Variants in PSMD1 observed in about 807,000 individuals in gnomAD.
PSMD1 encodes 26S proteasome non-ATPase regulatory subunit 1.
A neutral mutation model predicts 119.0 loss-of-function variants in PSMD1; 18 were observed. That is an observed-to-expected ratio of 0.15 (90% confidence interval 0.10 to 0.22). The LOEUF (loss-of-function observed/expected upper bound fraction) is 0.22. Among genes scored for constraint, PSMD1 ranks in the 10% least tolerant of loss-of-function variants. The pLI is 1.00. For synonymous variants in PSMD1, 374 were observed against 396.6 expected (o/e 0.94, Z 0.68); for missense variants, 702 against 1,158.5 (o/e 0.61, Z 5.72).
chr2:231,112,041 C>T (rs937807521), intron 16 of PSMD1, among the ~76,000 whole-genome samples: 2 of 152,074 alleles, frequency 1.3e-5, no homozygotes, highest in African/African-American at 4.8e-5. Context: ...AGGCTGCTTA[C>T]CTTATTAGCT....
chr2:231,161,228 C>A lies in PSMD1; in HGVS notation c.2219-112C>A, dbSNP rs569008150. 7.5e-6 allele frequency: 8 copies of A among 1,068,956 alleles called. No individual in the cohort carries two copies. The African/African-American group carries it at 1.2e-4, about 15-fold the overall frequency. 66.2% of individuals were successfully genotyped at this position (1,068,956 alleles called of 1,614,324 possible). On this transcript the variant is annotated intron_variant, in intron 19 of 24. Coordinates refer to ENST00000308696, the MANE Select transcript of PSMD1 (RefSeq NM_002807.4). ...ACCCGAGCTTGGGTAACAGTGAGAC[C>A]CTATCTCTTTAAAAAAAAAAAAAAG...
chr2:231,063,828 ATT>A (rs35057221), intron 4 of PSMD1, among the ~76,000 whole-genome samples: 274 of 148,120 alleles, frequency 1.8e-3, no homozygotes, highest in Non-Finnish European at 2.6e-3. Flanking sequence ...TATTTGATGG[ATT>A]TTTTTTTTTT....
intron 16 of PSMD1, among the ~76,000 whole-genome samples, chr2:231,120,518 C>T (rs1695502561): frequency 6.6e-6 from 1 of 152,154 alleles, no homozygotes; most frequent in African/African-American, 2.4e-5. Context: ...GAAAAATTGA[C>T]CTAGCACAAC....
intron 18 of PSMD1, among the ~76,000 whole-genome samples, chr2:231,152,063 C>T (rs547840002): frequency 7.9e-5 from 12 of 152,228 alleles, no homozygotes; most frequent in Admixed American, 7.2e-4. Context: ...ATTCACCTGC[C>T]TCGGTCTCCC....
At chr2:231,149,794 T>TA (rs1696331671) in intron 18 of PSMD1, among the ~76,000 whole-genome samples, 1 of 152,056 alleles carries the variant, frequency 6.6e-6, no homozygotes, top group Non-Finnish European at 1.5e-5. Flanking sequence ...TTAGTGGTAA[T>TA]AAAAAAGAAA....
intron 16 of PSMD1, among the ~76,000 whole-genome samples, chr2:231,114,603 A>G (rs1261021460): frequency 6.6e-6 from 1 of 152,234 alleles, no homozygotes; most frequent in Non-Finnish European, 1.5e-5. Flanking sequence ...AATAATTAGT[A>G]CAGACTTTTG....
Position 231,079,583 on chromosome 2 carries a change from C to T in PSMD1, c.1208C>T (p.Thr403Ile). 1.2e-6 allele frequency: 2 copies of T among 1,608,252 alleles called. No homozygotes were observed. The highest frequency in any genetic ancestry group is 1.7e-6 in the Non-Finnish European group (2 of 1,176,814). The change falls in exon 11 of 25, where the codon ACT becomes ATT. Residue 403 changes from threonine (T) to isoleucine (I), a missense_variant. Transcript: ENST00000308696. ...LARATNWAKF[T>I]ATASLGVIHK... The stretch of plus-strand genomic sequence containing the variant: ...AGAGCCACTAACTGGGCAAAATTTA[C>T]TGCTACAGCCAGTTTGGGTGTAATT...
chr2:231,070,346 G>A (rs1472121145), intron 6 of PSMD1, among the ~76,000 whole-genome samples, 178 bp downstream of exon 6: 1 of 151,488 alleles, frequency 6.6e-6, no homozygotes, highest in East Asian at 1.9e-4. Flanking sequence ...TTATTAATAA[G>A]AAACTAAATC....
chr2:231,118,244 A>T (rs1695411262), intron 16 of PSMD1, among the ~76,000 whole-genome samples: 1 of 152,144 alleles, frequency 6.6e-6, no homozygotes, highest in Non-Finnish European at 1.5e-5. Context: ...GTTAGTGCTT[A>T]TTACTATTGT....
chr2:231,064,559 C>T (rs1424923192), intron 4 of PSMD1, among the ~76,000 whole-genome samples: 5 of 152,176 alleles, frequency 3.3e-5, no homozygotes, highest in Admixed American at 3.3e-4. Flanking sequence ...AATGTTTCCT[C>T]ACTTAGCTAC....
chr2:231,137,612 G>A (rs1391757546), intron 16 of PSMD1, among the ~76,000 whole-genome samples: 4 of 151,968 alleles, frequency 2.6e-5, no homozygotes, highest in East Asian at 3.9e-4. Context: ...TATATAGTGT[G>A]ATGCTAAAGT....
intron 16 of PSMD1, among the ~76,000 whole-genome samples, chr2:231,115,352 A>C (rs1280501651): frequency 6.6e-6 from 1 of 152,278 alleles, no homozygotes; most frequent in Non-Finnish European, 1.5e-5. Context: ...TGACACATCT[A>C]CTTTTTGGTG....
intron 16 of PSMD1, among the ~76,000 whole-genome samples, chr2:231,125,648 T>C (rs1695700766): frequency 6.6e-6 from 1 of 152,244 alleles, no homozygotes; most frequent in African/African-American, 2.4e-5. Flanking sequence ...CACAGCTTTT[T>C]TTCCCCATAG....
At chr2:231,121,647 G>A (rs1482997062) in intron 16 of PSMD1, among the ~76,000 whole-genome samples, 1 of 151,974 alleles carries the variant, frequency 6.6e-6, no homozygotes, top group African/African-American at 2.4e-5. Flanking sequence ...TTTGTATTTT[G>A]TTTGTTAGCT....
At chr2:231,057,645 G>A (rs190688187) in intron 1 of PSMD1, among the ~76,000 whole-genome samples, 186 of 152,364 alleles carry the variant, frequency 1.2e-3, no homozygotes, top group Admixed American at 3.5e-3. Flanking sequence ...CCTTTATACT[G>A]AGAGCCTACT....
intron 16 of PSMD1, among the ~76,000 whole-genome samples, chr2:231,112,426 C>T (rs1338395247): frequency 6.6e-6 from 1 of 152,166 alleles, no homozygotes; most frequent in Admixed American, 6.5e-5. Context: ...TCTTCCCATA[C>T]CAGAGGAGTA....
intron 19 of PSMD1, among the ~76,000 whole-genome samples, chr2:231,157,295 T>TA (rs1236581244): frequency 6.6e-6 from 1 of 151,432 alleles, no homozygotes; most frequent in Non-Finnish European, 1.5e-5. Flanking sequence ...ATTAAAAATA[T>TA]AAAATTATAT....
chr2:231,105,804 T>C (rs993465997), intron 16 of PSMD1, among the ~76,000 whole-genome samples: 1 of 143,562 alleles, frequency 7.0e-6, no homozygotes, highest in African/African-American at 3.0e-5. Flanking sequence ...CCACTAACAC[T>C]AACACTAACT....
At chr2:231,084,355 AAT>A (rs528133452) in intron 14 of PSMD1, among the ~76,000 whole-genome samples, 39 of 150,718 alleles carry the variant, frequency 2.6e-4, no homozygotes, top group Non-Finnish European at 4.1e-4. Context: ...CCATCTCAAA[AAT>A]ATATATATAT....
Sources: gnomAD v4.1 joint callset for allele counts (sites outside exome capture counted in the v4.1 genomes callset) on GRCh38, gnomAD v4.1.1 for gene constraint, MANE v1.5 for transcripts, NCBI Gene and HGNC (gene_info 2026-07-23, HGNC 2026-07-21) for gene names.